PPM1E: variants seen among roughly 807,000 people sequenced by gnomAD.
PPM1E encodes protein phosphatase, Mg2+/Mn2+ dependent 1E, also known as protein phosphatase 1E.
A neutral mutation model predicts 65.9 loss-of-function variants in PPM1E; 20 were observed. The ratio of observed to expected loss-of-function variants is 0.30; its 90% CI spans 0.21 to 0.44. PPM1E has a LOEUF of 0.44. Among genes scored for constraint, PPM1E ranks in the 20% least tolerant of loss-of-function variants. PPM1E has a pLI of 1.00. For missense variants in PPM1E, 713 were observed against 953.1 expected, an observed-to-expected ratio of 0.75 and a Z score of 3.32; for synonymous variants, 352 against 374.9, an observed-to-expected ratio of 0.94 and a Z score of 0.70.
intron 1 of PPM1E, among the ~76,000 whole-genome samples, chr17:58,858,078 T>C (rs1178514423): frequency 1.3e-5 from 2 of 152,180 alleles, no homozygotes; most frequent in Non-Finnish European, 2.9e-5. Context: ...ACAGATGTGA[T>C]TGAGAATATA....
intron 1 of PPM1E, among the ~76,000 whole-genome samples, chr17:58,850,165 T>C (rs1417643576): frequency 6.6e-6 from 1 of 152,254 alleles, no homozygotes; most frequent in South Asian, 2.1e-4. Context: ...TGAGCCTATG[T>C]GTGTCTCTGC....
chr17:58,867,154 T>C (rs2051014758), intron 1 of PPM1E, among the ~76,000 whole-genome samples: 1 of 152,150 alleles, frequency 6.6e-6, no homozygotes, highest in South Asian at 2.1e-4. Flanking sequence ...CTAATGTTTG[T>C]ATTTTTAGTA....
At chr17:58,774,148 G>A (rs1343393442) in intron 1 of PPM1E, among the ~76,000 whole-genome samples, 1 of 150,112 alleles carries the variant, frequency 6.7e-6, no homozygotes. Flanking sequence ...GGTGACAAGA[G>A]GGAAACTCTG....
intron 1 of PPM1E, among the ~76,000 whole-genome samples, chr17:58,800,604 A>G (rs1461293075): frequency 6.6e-6 from 1 of 152,152 alleles, no homozygotes; most frequent in Non-Finnish European, 1.5e-5. Flanking sequence ...CTGATAGACA[A>G]GGGGCTGCTG....
At chr17:58,857,459 G>A (rs902437721) in intron 1 of PPM1E, among the ~76,000 whole-genome samples, 6 of 152,070 alleles carry the variant, frequency 3.9e-5, no homozygotes, top group Non-Finnish European at 5.9e-5. Flanking sequence ...ACTGATCTTG[G>A]GAAAAATTAT....
intron 1 of PPM1E, among the ~76,000 whole-genome samples, chr17:58,810,353 C>T (rs112891047): frequency 0.046 from 7,009 of 151,756 alleles, 297 homozygotes; most frequent in African/African-American, 0.11. Flanking sequence ...ATTACAGGCA[C>T]GCGCCACCAT....
intron 1 of PPM1E, among the ~76,000 whole-genome samples, chr17:58,905,279 G>C (rs888844657): frequency 2.0e-5 from 3 of 152,130 alleles, no homozygotes; most frequent in African/African-American, 7.2e-5. Flanking sequence ...TCCTTGCCTT[G>C]TTCCTGATCT....
intron 1 of PPM1E, among the ~76,000 whole-genome samples, chr17:58,880,275 G>A (rs2051180150): frequency 6.6e-6 from 1 of 152,122 alleles, no homozygotes; most frequent in Non-Finnish European, 1.5e-5. Context: ...GAGGCTAGAA[G>A]GATCTTTTTG....
intron 1 of PPM1E, among the ~76,000 whole-genome samples, chr17:58,898,439 C>T (rs1243629554): frequency 6.6e-6 from 1 of 152,050 alleles, no homozygotes; most frequent in Non-Finnish European, 1.5e-5. Context: ...CAGAGAAATG[C>T]AAATCAAAAC....
At chr17:58,832,129 CT>C (rs2050612424) in intron 1 of PPM1E, among the ~76,000 whole-genome samples, 1 of 152,140 alleles carries the variant, frequency 6.6e-6, no homozygotes, top group African/African-American at 2.4e-5. Flanking sequence ...CTTTCATAGA[CT>C]TAAAGACAGT....
rs772314556 is a variant in PPM1E, at chr17:58,980,742, C to T, written c.1979C>T (p.Pro660Leu). The change falls in exon 7 of 7, where the codon CCG becomes CTG. Residue 660 changes from proline to leucine, a missense_variant. Pro to Leu is a moderately conservative substitution (Grantham distance 98). Transcript: ENST00000308249. This position sits in a 1 kb window ranked among gnomAD's most constrained non-coding sequence, Gnocchi z 4.7. ...SGLENEQFKSPGNRVSRLSHL... is the reference protein window; with the variant it reads ...SGLENEQFKSLGNRVSRLSHL... ...TTGGAAAATGAACAGTTCAAATCCC[C>T]GGGAAACAGAGTTTCTAGATTGTCT... The T allele has an allele frequency of 1.6e-5, 26 of 1,613,978 alleles. No homozygotes were observed. Among genetic ancestry groups the T allele is most frequent in the Admixed American group, 8.3e-5 (5 of 59,994 alleles).
chr17:58,774,162 C>T (rs980078780), intron 1 of PPM1E, among the ~76,000 whole-genome samples: 1 of 150,904 alleles, frequency 6.6e-6, no homozygotes, highest in Non-Finnish European at 1.5e-5. Flanking sequence ...AACTCTGTCC[C>T]CCCCCCCCAA....
chr17:58,936,305 A>G (rs1045326121), intron 1 of PPM1E, among the ~76,000 whole-genome samples: 13 of 152,280 alleles, frequency 8.5e-5, no homozygotes, highest in African/African-American at 3.1e-4. Context: ...GATTTAGAAT[A>G]CCTATGATTA....
intron 1 of PPM1E, among the ~76,000 whole-genome samples, chr17:58,925,178 A>G (rs1043775032): frequency 3.9e-5 from 6 of 152,080 alleles, no homozygotes; most frequent in African/African-American, 7.2e-5. Context: ...GGGTGAACTA[A>G]TTTACACTCC....
chr17:58,861,197 G>A (rs8080281), intron 1 of PPM1E, among the ~76,000 whole-genome samples: 22,324 of 152,134 alleles, frequency 0.15, 2,549 homozygotes, highest in East Asian at 0.31. Flanking sequence ...ATATCCAACA[G>A]ATGTTTTCCT....
chr17:58,932,925 G>A (rs1201265481), intron 1 of PPM1E, among the ~76,000 whole-genome samples: 33 of 152,028 alleles, frequency 2.2e-4, no homozygotes, highest in South Asian at 2.1e-4. Context: ...TAGATGTACC[G>A]TTTTTATGTT....
chr17:58,915,910 A>G (rs2051678002), intron 1 of PPM1E, among the ~76,000 whole-genome samples: 1 of 152,134 alleles, frequency 6.6e-6, no homozygotes. Flanking sequence ...ACTTAACTCA[A>G]TTTTCTCATC....
At chr17:58,766,498 C>G (rs1172631898) in intron 1 of PPM1E, among the ~76,000 whole-genome samples, 1 of 151,894 alleles carries the variant, frequency 6.6e-6, no homozygotes, top group Non-Finnish European at 1.5e-5. Flanking sequence ...CTGCACCCAG[C>G]CTGTAATTTC....
intron 1 of PPM1E, among the ~76,000 whole-genome samples, chr17:58,934,143 T>C (rs1180450609): frequency 1.4e-5 from 2 of 147,426 alleles, no homozygotes; most frequent in East Asian, 2.0e-4. Context: ...ACTAGAAGAG[T>C]TGAAGTTGAT....
Sources: gnomAD v4.1 joint callset for allele counts (sites outside exome capture counted in the v4.1 genomes callset) on GRCh38, gnomAD v4.1.1 for gene constraint, Gnocchi (gnomAD v3.1) non-coding constraint, MANE v1.5 for transcripts, NCBI Gene and HGNC (gene_info 2026-07-23, HGNC 2026-07-21) for gene names.